VRK1: variants seen among roughly 807,000 people sequenced by gnomAD.
The protein encoded by VRK1 is VRK serine/threonine kinase 1, also known as serine/threonine-protein kinase VRK1.
In VRK1, 33 loss-of-function variants were observed where a neutral mutation model predicts 57.1. That is an observed-to-expected ratio of 0.58 (90% CI 0.44 to 0.77). The LOEUF (loss-of-function observed/expected upper bound fraction) is 0.77. Ranked by LOEUF, VRK1 falls within the 30% of genes least tolerant of loss-of-function variation. The pLI is 0.00. For synonymous variants in VRK1, 137 were observed against 147.8 expected (o/e 0.93, Z 0.53); for missense variants, 413 against 477.3 (o/e 0.87, Z 1.25).
In VRK1 at chr14:96,876,090, A is replaced by G. The variant is rs770642850; in HGVS notation, c.1129A>G (p.Asn377Asp). The change falls in exon 12 of 13, where the codon AAC becomes GAC. Residue 377 changes from asparagine to aspartate, a missense_variant. Around this residue, in one of 3 missense-constraint regions of VRK1, gnomAD observed 146 missense variants for 138.2 expected, o/e 1.06. Transcript: ENST00000216639. ...EPGVEDTEWS[N>D]TQTEEAIQTR... ...TGGTGTTGAAGATACGGAATGGTCAAACACACAGACAGAGGAGGCCATACA... is the reference window on the plus strand; with the variant it reads ...TGGTGTTGAAGATACGGAATGGTCAGACACACAGACAGAGGAGGCCATACA... The G allele has an allele frequency of 1.2e-6, 2 of 1,613,730 alleles. No individual in the cohort carries two copies. The highest frequency in any genetic ancestry group is 1.3e-5 in the African/African-American group (1 of 75,016).
intron 2 of VRK1, among the ~76,000 whole-genome samples, chr14:96,833,927 C>T (rs140981475): frequency 4.2e-4 from 64 of 152,254 alleles, no homozygotes; most frequent in Middle Eastern, 3.4e-3. Flanking sequence ...AACCCATTTA[C>T]GTATCTTTCC....
At chr14:96,877,354 A>AGT in intron 12 of VRK1, 1 of 429,874 alleles carries the variant, frequency 2.3e-6, no homozygotes, top group South Asian at 2.0e-5. Flanking sequence ...TAACCCAAAG[A>AGT]ATACTTGAGA....
At chr14:96,822,903 T>A (rs1886656803) in intron 1 of VRK1, among the ~76,000 whole-genome samples, 2 of 152,226 alleles carry the variant, frequency 1.3e-5, no homozygotes, top group South Asian at 4.1e-4. Context: ...TCCCCCTTGC[T>A]CACGCCACAC....
intron 2 of VRK1, 123 bp downstream of exon 2, chr14:96,833,754 C>T: frequency 7.1e-7 from 1 of 1,405,850 alleles, no homozygotes; most frequent in Non-Finnish European, 9.9e-7. Context: ...TTAATAGTTT[C>T]TGATTAAGCA....
chr14:96,854,664 C>T (rs1465822715), intron 7 of VRK1, among the ~76,000 whole-genome samples: 6 of 152,034 alleles, frequency 3.9e-5, no homozygotes, highest in Non-Finnish European at 7.4e-5. Flanking sequence ...TAGATAAAAG[C>T]CTGATCTAAC....
In VRK1 at chr14:96,828,316, T is replaced by C. The variant is rs568534479; in HGVS notation, c.-5-5151T>C. 1.3e-3 allele frequency among the ~76,000 whole-genome samples: 204 copies of C among 152,328 alleles called. 3 individuals are homozygous for C. The South Asian group carries it at 0.022, about 17-fold the overall frequency. On this transcript the variant is annotated intron_variant, in intron 1 of 12. Coordinates refer to ENST00000216639, the MANE Select transcript of VRK1 (RefSeq NM_003384.3). ...AATTTTCAAAATGATCGAAACAGTATACAGTGTAGGAGAGTTCTGTTTGTT... is the reference window on the plus strand; with the variant it reads ...AATTTTCAAAATGATCGAAACAGTACACAGTGTAGGAGAGTTCTGTTTGTT...
chr14:96,871,513 A>T (rs1195569731), intron 11 of VRK1, among the ~76,000 whole-genome samples: 3 of 152,266 alleles, frequency 2.0e-5, no homozygotes, highest in African/African-American at 7.2e-5. Flanking sequence ...GATTTCTTAT[A>T]GTGCTTATAG....
chr14:96,844,702 C>CT (rs1887606224), intron 3 of VRK1, among the ~76,000 whole-genome samples: 2 of 152,006 alleles, frequency 1.3e-5, no homozygotes, highest in African/African-American at 2.4e-5. Context: ...CCACCATGCC[C>CT]AGATAATTTT....
intron 3 of VRK1, among the ~76,000 whole-genome samples, chr14:96,843,771 G>T (rs934035287): frequency 1.3e-5 from 2 of 152,122 alleles, no homozygotes; most frequent in African/African-American, 2.4e-5. Flanking sequence ...TCTTCAACAG[G>T]AATAGCTAGC....
At chr14:96,812,190 G>A (rs1886231831) in intron 1 of VRK1, among the ~76,000 whole-genome samples, 2 of 152,172 alleles carry the variant, frequency 1.3e-5, no homozygotes, top group South Asian at 4.1e-4. Context: ...TCAGTTGAAG[G>A]ACTTTGGGGT....
chr14:96,833,298 A>G (rs952384796), intron 1 of VRK1, among the ~76,000 whole-genome samples, 169 bp from the exon 2 acceptor site: 16 of 152,208 alleles, frequency 1.1e-4, no homozygotes, highest in Admixed American at 8.5e-4. Flanking sequence ...GTTAAGAGAT[A>G]ATCAAATAGG....
intron 1 of VRK1, among the ~76,000 whole-genome samples, chr14:96,813,812 C>T (rs570330614): frequency 2.0e-5 from 3 of 152,224 alleles, no homozygotes; most frequent in South Asian, 2.1e-4. Flanking sequence ...TATGTGCTCT[C>T]TTTTAATTAG....
intron 11 of VRK1, among the ~76,000 whole-genome samples, chr14:96,867,296 A>C (rs1460944544): frequency 6.6e-6 from 1 of 152,164 alleles, no homozygotes; most frequent in Non-Finnish European, 1.5e-5. Flanking sequence ...TTGAAAACTA[A>C]TGTGGCTATA....
chr14:96,832,776 A>G (rs556038317), intron 1 of VRK1, among the ~76,000 whole-genome samples: 5 of 148,042 alleles, frequency 3.4e-5, no homozygotes, highest in Non-Finnish European at 5.9e-5. Context: ...ATTAAGCCAC[A>G]GTTTTTCCTG....
intron 1 of VRK1, among the ~76,000 whole-genome samples, chr14:96,828,023 C>G (rs189284852): frequency 6.6e-6 from 1 of 152,310 alleles, no homozygotes; most frequent in East Asian, 1.9e-4. Context: ...TGCTGTTTGA[C>G]TTGTATCACC....
At chr14:96,862,511 C>CTTTTT in intron 11 of VRK1, among the ~76,000 whole-genome samples, 1 of 142,010 alleles carries the variant, frequency 7.0e-6, no homozygotes, top group Non-Finnish European at 1.5e-5. Flanking sequence ...ATTTTGTTAG[C>CTTTTT]TTTTTTTTTT....
chr14:96,864,921 TA>T (rs35205510), intron 11 of VRK1, among the ~76,000 whole-genome samples: 33 of 148,492 alleles, frequency 2.2e-4, no homozygotes, highest in South Asian at 2.1e-4. Flanking sequence ...TTTGCCTATT[TA>T]AAAAAAAAAA....
chr14:96,798,578 C>CT (rs1012250484), intron 1 of VRK1, among the ~76,000 whole-genome samples: 7 of 151,180 alleles, frequency 4.6e-5, no homozygotes, highest in African/African-American at 7.3e-5. Context: ...TTTTCTTCTT[C>CT]TTTTTTTTTA....
chr14:96,830,407 ATT>A (rs939323101), intron 1 of VRK1, among the ~76,000 whole-genome samples: 31 of 148,440 alleles, frequency 2.1e-4, no homozygotes, highest in African/African-American at 7.2e-4. Context: ...TTCACTTTCT[ATT>A]TCTCTTGTCA....
Sources: gnomAD v4.1 joint callset for allele counts (sites outside exome capture counted in the v4.1 genomes callset) on GRCh38, gnomAD v4.1.1 for gene constraint, gnomAD v4.1.1 regional missense constraint, MANE v1.5 for transcripts, NCBI Gene and HGNC (gene_info 2026-07-23, HGNC 2026-07-21) for gene names.